Variants in NPRL3 observed in about 807,000 individuals in gnomAD.
NPRL3 encodes NPR3 like, GATOR1 complex subunit, also known as GATOR1 complex protein NPRL3.
In NPRL3, 23 loss-of-function variants were observed where a neutral mutation model predicts 57.2. That is an observed-to-expected ratio of 0.40 (90% confidence interval 0.29 to 0.57). NPRL3 has a LOEUF of 0.57. Ranked by LOEUF, NPRL3 falls within the 20% of genes least tolerant of loss-of-function variation. The pLI, the probability that NPRL3 is intolerant of heterozygous loss-of-function variation, is 0.42. For missense variants in NPRL3, 691 were observed against 767.1 expected (o/e 0.90, Z 1.17); for synonymous variants, 333 against 321.1 (o/e 1.04, Z -0.39).
rs376979785 is a variant in NPRL3, at chr16:88,678, A to G, written c.1544+20T>C. ...GACCCTGCAACTGGCCCCAGTCCCA[A>G]CGGGTCAACCTACACCCACCTGGCA... On this transcript the variant is annotated intron_variant, in intron 13 of 13. Transcript: ENST00000611875. 3.5e-4 allele frequency: 557 copies of G among 1,594,186 alleles called. No homozygotes were observed. Among genetic ancestry groups the G allele is most frequent in the Admixed American group, 4.7e-4 (28 of 59,154 alleles).
chr16:86,882 G>A lies in NPRL3; in HGVS notation c.1545-12C>T. 1 of 1,610,548 alleles carries A rather than the reference G, an allele frequency of 6.2e-7. No individual in the cohort carries two copies. The highest frequency in any genetic ancestry group is 1.3e-5 in the African/African-American group (1 of 75,018). ...AGTAGTGAAGGAGCCTGGAAGGGAT[G>A]GGTGGGTGTGAGCCCAACCTGACAC... On this transcript the variant is annotated splice_polypyrimidine_tract_variant and intron_variant, in intron 13 of 13. Transcript: ENST00000611875.
chr16:133,241 T>C (rs902754171), intron 2 of NPRL3, among the ~76,000 whole-genome samples: 3 of 152,198 alleles, frequency 2.0e-5, no homozygotes, highest in African/African-American at 7.2e-5. Context: ...TTGCTTTGTT[T>C]TGAGACAGAG....
chr16:97,772 C>T (rs1386241324), intron 9 of NPRL3, among the ~76,000 whole-genome samples: 2 of 152,140 alleles, frequency 1.3e-5, no homozygotes, highest in Admixed American at 1.3e-4. Context: ...CCTTAGTTCC[C>T]GTATGTTGTT....
chr16:122,313 G>A (rs1020250448), intron 3 of NPRL3, among the ~76,000 whole-genome samples: 2 of 151,460 alleles, frequency 1.3e-5, no homozygotes, highest in Middle Eastern at 3.4e-3. Context: ...TGGCCAGGCT[G>A]GTCTCGACCT....
chr16:98,431 C>T (rs553475791), intron 8 of NPRL3, 130 bp from the exon 9 acceptor site: 5 of 998,434 alleles, frequency 5.0e-6, no homozygotes, highest in South Asian at 3.2e-5. Flanking sequence ...CGGGTATGCA[C>T]CAGGTATGCA....
chr16:130,075 C>G (rs1489584179), intron 3 of NPRL3, among the ~76,000 whole-genome samples: 1 of 152,158 alleles, frequency 6.6e-6, no homozygotes, highest in Non-Finnish European at 1.5e-5. Flanking sequence ...ACCATCCCAG[C>G]TCTAAGCCCC....
At position 88,786 on chromosome 16, in the gene NPRL3, G is replaced by T. The variant is rs777367602; in HGVS notation, c.1456C>A (p.Leu486Met). 1.9e-6 allele frequency: 3 copies of T among 1,613,560 alleles called. No individual in the cohort carries two copies. The South Asian group carries it at 3.3e-5, about 18-fold the overall frequency. Residue 486 changes from leucine (L) to methionine (M), a missense_variant, in exon 13 of 14, where the codon CTG (leucine) becomes ATG (methionine). By Grantham distance (15) the Leu-to-Met change is conservative (BLOSUM62 2). Transcript: ENST00000611875. The part of the protein sequence containing the change: ...SPLNQRMTEN[L>M]LASLSEHERA... Reference sequence around the variant, plus strand: ...TCATGCTCCGACAGGCTGGCCAGCAGGTTCTCCGTCATCCTCTGGTTCAGT... The same window carrying T: ...TCATGCTCCGACAGGCTGGCCAGCATGTTCTCCGTCATCCTCTGGTTCAGT...
At chr16:95,372 C>T (rs1353012450) in intron 9 of NPRL3, among the ~76,000 whole-genome samples, 4 of 146,926 alleles carry the variant, frequency 2.7e-5, no homozygotes, top group Non-Finnish European at 6.0e-5. Flanking sequence ...CACACACACA[C>T]ACACACACAC....
rs1374917107 is a variant in NPRL3 at position 89,747 on chromosome 16, G to A, written c.1317C>T (p.Leu439=). Residue 439 remains leucine (L), a synonymous_variant, in exon 12 of 14, where the codon CTC becomes CTT. Coordinates refer to ENST00000611875, the MANE Select transcript of NPRL3 (RefSeq NM_001077350.3). ...PFTARVGGRS[L]STPNALSFGS... is the part of the protein sequence containing the mutation. Reference sequence around the variant, plus strand: ...CAAAGCTGAGGGCGTTGGGCGTGCTGAGGCTGCGACCGCCGACCCGGGCAG... The same window carrying A: ...CAAAGCTGAGGGCGTTGGGCGTGCTAAGGCTGCGACCGCCGACCCGGGCAG... 4 of 1,595,634 alleles carry A rather than the reference G, an allele frequency of 2.5e-6. No homozygotes were observed. Among genetic ancestry groups the A allele is most frequent in the Admixed American group, 1.7e-5 (1 of 57,828 alleles).
At chr16:111,544 G>A (rs1177105867) in intron 6 of NPRL3, among the ~76,000 whole-genome samples, 2 of 151,708 alleles carry the variant, frequency 1.3e-5, no homozygotes, top group Non-Finnish European at 2.9e-5. Context: ...CACCTCCCAA[G>A]GCTCAGGTGA....
chr16:126,696 G>A (rs1246136146), intron 3 of NPRL3, among the ~76,000 whole-genome samples: 15 of 151,926 alleles, frequency 9.9e-5, no homozygotes, highest in African/African-American at 7.3e-5. Flanking sequence ...GGGGACACAC[G>A]GTACATTTAA....
chr16:127,504 G>C (rs895912477), intron 3 of NPRL3, among the ~76,000 whole-genome samples: 1 of 152,094 alleles, frequency 6.6e-6, no homozygotes, highest in Non-Finnish European at 1.5e-5. Context: ...CAAAGTGGTG[G>C]GATTACAGGC....
chr16:96,491 T>TAG (rs1899011481), intron 9 of NPRL3, among the ~76,000 whole-genome samples: 1 of 151,860 alleles, frequency 6.6e-6, no homozygotes, highest in South Asian at 2.1e-4. Context: ...GACATGGTGT[T>TAG]TACTGAGTCC....
intron 9 of NPRL3, among the ~76,000 whole-genome samples, chr16:97,497 G>A (rs544546423): frequency 6.8e-6 from 1 of 147,692 alleles, no homozygotes; most frequent in African/African-American, 2.5e-5. Flanking sequence ...GGGCTAGGAT[G>A]ACAGGCATGA....
In NPRL3 at chr16:119,248, C is replaced by G; in HGVS notation, c.196G>C (p.Asp66His). ...GCCAAAATTGTTGCCAGAATAACAT[C>G]TGAAAACCTTAAAATTTAAGAGAGG... ...DEQDGDSRFS[D>H]VILATILATK... is the part of the protein sequence containing the mutation. The change falls in exon 4 of 14, where the codon GAT becomes CAT. Residue 66 changes from aspartate (D) to histidine (H), a missense_variant. Coordinates refer to ENST00000611875, the MANE Select transcript of NPRL3 (RefSeq NM_001077350.3). The G allele has an allele frequency of 6.2e-7, 1 of 1,605,962 alleles. No homozygotes were observed. The highest frequency in any genetic ancestry group is 8.5e-7 in the Non-Finnish European group (1 of 1,175,948).
chr16:95,338 TATATATATATATACACACAC>T (rs1266371894), intron 9 of NPRL3, among the ~76,000 whole-genome samples: 1 of 54,140 alleles, frequency 1.8e-5, no homozygotes, highest in Admixed American at 2.9e-4. Flanking sequence ...TATATATATA[TATATATATATATACACACAC>T]ACACACACAC....
chr16:130,682 C>G (rs1334988678), intron 2 of NPRL3, 91 bp from the exon 3 acceptor site: 4 of 1,207,700 alleles, frequency 3.3e-6, no homozygotes, highest in Non-Finnish European at 4.7e-6. Flanking sequence ...CCATGTTTTC[C>G]AAAACATGCT....
Position 100,478 on chromosome 16 carries a change from T to C in NPRL3, c.661A>G (p.Ile221Val). Reference sequence around the variant, plus strand: ...AAGCTCACCTCCAGCCAGCTGTTGATGTGAAGCCGAACTACGCCCGACGTG... The same window carrying C: ...AAGCTCACCTCCAGCCAGCTGTTGACGTGAAGCCGAACTACGCCCGACGTG... ...LCTSGVVRLHINSWLEVSFCL... is the reference protein window; with the variant it reads ...LCTSGVVRLHVNSWLEVSFCL... The change falls in exon 8 of 14, where the codon ATC becomes GTC. Residue 221 changes from isoleucine (I) to valine (V), a missense_variant. Ile to Val is a conservative substitution (Grantham distance 29). Coordinates refer to ENST00000611875, the MANE Select transcript of NPRL3 (RefSeq NM_001077350.3). The C allele has an allele frequency of 6.3e-7, 1 of 1,598,580 alleles. No individual in the cohort carries two copies. Among genetic ancestry groups the C allele is most frequent in the Non-Finnish European group, 8.5e-7 (1 of 1,174,528 alleles).
intron 8 of NPRL3, among the ~76,000 whole-genome samples, chr16:98,867 G>A (rs1899145271): frequency 6.6e-6 from 1 of 152,214 alleles, no homozygotes; most frequent in African/African-American, 2.4e-5. Context: ...GAGCCTGGGA[G>A]GCGGAGCTTG....
Sources: allele counts gnomAD v4.1 joint callset (sites outside exome capture counted in the v4.1 genomes callset), GRCh38; gene constraint gnomAD v4.1.1; transcripts MANE v1.5; gene names NCBI Gene and HGNC (gene_info 2026-07-23, HGNC 2026-07-21).